Variants in DNAJC15 observed in about 807,000 individuals in gnomAD.
DNAJC15 encodes dnaJ homolog subfamily C member 15.
Under a neutral mutation model 22.4 loss-of-function variants are expected in DNAJC15, and 27 were observed. The observed-to-expected ratio is 1.20, with a 90% CI of 0.89 to 1.66. DNAJC15 has a LOEUF of 1.66. Ranked by LOEUF, DNAJC15 falls within the 40% of genes most tolerant of loss-of-function variation. The pLI is 0.00. For missense variants in DNAJC15, 208 were observed against 187.1 expected (o/e 1.11, Z -0.65); for synonymous variants, 79 against 63.2 (o/e 1.25, Z -1.19).
chr13:43,098,589 A>C (rs764083349), intron 5 of DNAJC15, among the ~76,000 whole-genome samples: 25 of 152,158 alleles, frequency 1.6e-4, no homozygotes, highest in Admixed American at 1.3e-4. Flanking sequence ...ATACAATTCA[A>C]TTCATCCATT....
intron 1 of DNAJC15, among the ~76,000 whole-genome samples, chr13:43,063,190 A>G (rs529326625): frequency 2.0e-5 from 3 of 152,012 alleles, no homozygotes; most frequent in African/African-American, 7.2e-5. Context: ...TTGTATTTTT[A>G]ATAGAGACGG....
chr13:43,037,361 A>G (rs146547428), intron 1 of DNAJC15, among the ~76,000 whole-genome samples: 1 of 152,310 alleles, frequency 6.6e-6, no homozygotes, highest in East Asian at 1.9e-4. Context: ...AAAAGCTTGG[A>G]GTACTTGATA....
chr13:43,102,631 ATATT>A (rs1372895590), intron 5 of DNAJC15, among the ~76,000 whole-genome samples: 4 of 152,028 alleles, frequency 2.6e-5, no homozygotes, highest in African/African-American at 7.2e-5. Flanking sequence ...TAATAAATAT[ATATT>A]TATTTTTTAT....
At chr13:43,060,836 G>A (rs2040555305) in intron 1 of DNAJC15, among the ~76,000 whole-genome samples, 1 of 152,200 alleles carries the variant, frequency 6.6e-6, no homozygotes, top group African/African-American at 2.4e-5. Context: ...CAGAAGGGAA[G>A]AAATGACTGC....
chr13:43,074,875 A>G (rs1484440122), intron 3 of DNAJC15, among the ~76,000 whole-genome samples: 1 of 152,212 alleles, frequency 6.6e-6, no homozygotes, highest in African/African-American at 2.4e-5. Flanking sequence ...AAATAAACTC[A>G]ATGAGCCCTC....
intron 5 of DNAJC15, among the ~76,000 whole-genome samples, chr13:43,090,194 TAAAG>T (rs1292686691): frequency 6.6e-6 from 1 of 152,202 alleles, no homozygotes; most frequent in Admixed American, 6.5e-5. Flanking sequence ...ATAGGCCAGA[TAAAG>T]AAGCAAAGTA....
intron 1 of DNAJC15, among the ~76,000 whole-genome samples, chr13:43,044,636 A>G (rs1470936532): frequency 6.6e-6 from 1 of 152,100 alleles, no homozygotes; most frequent in Non-Finnish European, 1.5e-5. Flanking sequence ...CTTCCGAGAG[A>G]CTTTTGGATA....
At chr13:43,041,697 A>G (rs1345064710) in intron 1 of DNAJC15, among the ~76,000 whole-genome samples, 2 of 152,188 alleles carry the variant, frequency 1.3e-5, no homozygotes, top group South Asian at 2.1e-4. Context: ...TTTTAGTTCT[A>G]CTTTTCTAAG....
At chr13:43,029,042 TCTA>T (rs1321021793) in intron 1 of DNAJC15, among the ~76,000 whole-genome samples, 2 of 152,224 alleles carry the variant, frequency 1.3e-5, no homozygotes, top group Admixed American at 6.5e-5. Context: ...GCTATTAACT[TCTA>T]TTATTATTGA....
At chr13:43,036,166 CTTTTT>C (rs1181907862) in intron 1 of DNAJC15, among the ~76,000 whole-genome samples, 2 of 125,908 alleles carry the variant, frequency 1.6e-5, no homozygotes, top group Admixed American at 8.0e-5. Context: ...CAGTTTCTGT[CTTTTT>C]TTTTTTTTTT....
At chr13:43,071,655 T>G (rs1417394602) in intron 3 of DNAJC15, among the ~76,000 whole-genome samples, 4 of 152,164 alleles carry the variant, frequency 2.6e-5, no homozygotes, top group Non-Finnish European at 5.9e-5. Context: ...TTGTAAATAT[T>G]ATTAATTATT....
intron 1 of DNAJC15, among the ~76,000 whole-genome samples, chr13:43,041,736 C>T (rs2040455090): frequency 6.6e-6 from 1 of 152,246 alleles, no homozygotes. Context: ...AAGTAGAGTA[C>T]TCAGCCAGCT....
intron 5 of DNAJC15, among the ~76,000 whole-genome samples, chr13:43,098,913 T>C (rs939585823): frequency 3.9e-5 from 6 of 152,206 alleles, no homozygotes; most frequent in Non-Finnish European, 8.8e-5. Flanking sequence ...AGAACCAGCT[T>C]GTCAATTTCT....
At chr13:43,049,658 T>C (rs1310755110) in intron 1 of DNAJC15, among the ~76,000 whole-genome samples, 1 of 152,222 alleles carries the variant, frequency 6.6e-6, no homozygotes, top group African/African-American at 2.4e-5. Flanking sequence ...TTGAGTTACT[T>C]ACTTAGACTT....
intron 1 of DNAJC15, among the ~76,000 whole-genome samples, chr13:43,031,454 A>G (rs1023770512): frequency 5.9e-5 from 9 of 152,208 alleles, no homozygotes; most frequent in African/African-American, 1.7e-4. Context: ...CTAGACTCCT[A>G]GACTGGGAAC....
intron 1 of DNAJC15, among the ~76,000 whole-genome samples, chr13:43,060,852 T>G (rs760063204): frequency 6.6e-6 from 1 of 152,172 alleles, no homozygotes; most frequent in East Asian, 1.9e-4. Context: ...ACTGCGGTGG[T>G]CTTCTCAGAT....
At chr13:43,037,430 A>T (rs746013106) in intron 1 of DNAJC15, among the ~76,000 whole-genome samples, 1 of 152,170 alleles carries the variant, frequency 6.6e-6, no homozygotes, top group Non-Finnish European at 1.5e-5. Flanking sequence ...TGCAGATTTA[A>T]GTGCAAGGAT....
At chr13:43,050,102 T>A (rs946328402) in intron 1 of DNAJC15, among the ~76,000 whole-genome samples, 1 of 152,036 alleles carries the variant, frequency 6.6e-6, no homozygotes, top group African/African-American at 2.4e-5. Flanking sequence ...GTATTTTTAG[T>A]AGAGACGGGG....
At chr13:43,105,070 A>G (rs1219192272) in intron 5 of DNAJC15, among the ~76,000 whole-genome samples, 1 of 151,552 alleles carries the variant, frequency 6.6e-6, no homozygotes, top group Non-Finnish European at 1.5e-5. Flanking sequence ...GCAACTAGAT[A>G]TTATAACCAG....
Sources: gnomAD v4.1 joint callset for allele counts (sites outside exome capture counted in the v4.1 genomes callset) on GRCh38, gnomAD v4.1.1 for gene constraint, MANE v1.5 for transcripts, NCBI Gene and HGNC (gene_info 2026-07-23, HGNC 2026-07-21) for gene names.